The following DTX4 variants were observed in gnomAD, a reference collection of about 807,000 sequenced individuals.
DTX4 encodes the protein E3 ubiquitin-protein ligase DTX4.
In DTX4, 28 loss-of-function variants were observed where a neutral mutation model predicts 57.6. The ratio of observed to expected loss-of-function variants is 0.49; its 90% CI spans 0.36 to 0.67. DTX4 has a LOEUF of 0.67. DTX4 is among the 30% of genes least tolerant of loss of function. The pLI is 0.00. For missense variants in DTX4, 715 were observed against 836.8 expected (o/e 0.85, Z 1.80); for synonymous variants, 316 against 331.0 (o/e 0.95, Z 0.49).
Position 59,206,508 on chromosome 11 carries a change from C to CATATATAT in DTX4, c.*1599_*1600insATATATAT, listed in dbSNP as rs1412393714. 59 of 75,708 alleles carry CATATATAT rather than the reference C, an allele frequency of 7.8e-4. No homozygotes were observed. The highest frequency in any genetic ancestry group is 1.3e-3 in the Non-Finnish European group (44 of 34,722). 4.7% of individuals were successfully genotyped at this position (75,708 alleles called of 1,614,324 possible). A position where few individuals can be genotyped will look rare whatever the true frequency, so the allele number is the denominator to read the frequency against. ...TATACCTCATGTTTTGGGGGTTTGA[C>CATATATAT]GTATATATATATATATATATATGCA... On this transcript the variant is annotated 3_prime_UTR_variant, in exon 9 of 9. Coordinates refer to ENST00000227451, the MANE Select transcript of DTX4 (RefSeq NM_015177.2).
chr11:59,196,437 TAA>T (rs1862671230), intron 7 of DTX4, among the ~76,000 whole-genome samples: 1 of 152,248 alleles, frequency 6.6e-6, no homozygotes, highest in South Asian at 2.1e-4. Context: ...CAGGGGAAGA[TAA>T]ATGTACATCA....
rs184055264 is a variant in DTX4 at position 59,196,598 on chromosome 11, G to A, written c.1536+1229G>A. Among the ~76,000 whole-genome samples, 173 of 152,324 alleles carry A rather than the reference G, an allele frequency of 1.1e-3. 2 individuals are homozygous for A. The highest frequency in any genetic ancestry group is 7.2e-4 in the African/African-American group (30 of 41,584). On this transcript the variant is annotated intron_variant, in intron 7 of 8. Transcript: ENST00000227451. ...CAACCCTCAGGCCACAGAAGGGGCC[G>A]CACAGTAGGAGGTGAGTGATGGGTG...
chr11:59,173,000 G>A (rs191865709), intron 1 of DTX4, among the ~76,000 whole-genome samples, 194 bp downstream of exon 1: 1 of 152,224 alleles, frequency 6.6e-6, no homozygotes, highest in East Asian at 1.9e-4. Flanking sequence ...AAACATCCAT[G>A]CAAATAGTAT....
chr11:59,203,491 A>C (rs1263105329), intron 8 of DTX4, among the ~76,000 whole-genome samples: 2 of 152,098 alleles, frequency 1.3e-5, no homozygotes, highest in Non-Finnish European at 2.9e-5. Flanking sequence ...TGTCTTCCAC[A>C]TCCATATCTT....
rs146351274 is a variant in DTX4, at chr11:59,188,830, T to C, written c.997+34T>C. The C allele has an allele frequency of 2.4e-4, 376 of 1,577,740 alleles. 2 individuals are homozygous for C. In the East Asian group the frequency reaches 8.2e-3, roughly 34 times the overall value. On this transcript the variant is annotated intron_variant, in intron 3 of 8. Coordinates refer to ENST00000227451, the MANE Select transcript of DTX4 (RefSeq NM_015177.2). ...AACCCCAGGATGCTCTGGGTTAAGG[T>C]AGAGAAATCAGAGTGATGAAATAGG...
At position 59,204,241 on chromosome 11, in the gene DTX4, A is replaced by G. The variant is rs143469142; in HGVS notation, c.1627-435A>G. ...AGTGGTGGCAGTAATGAAGGGCAGA[A>G]CTTCAGAAGTTCTCAGATCATAAGC... On this transcript the variant is annotated intron_variant, in intron 8 of 8. Coordinates refer to ENST00000227451, the MANE Select transcript of DTX4 (RefSeq NM_015177.2). Among the ~76,000 whole-genome samples, 236 of 152,306 alleles carry G rather than the reference A, an allele frequency of 1.5e-3. 1 individual carries two copies. The highest frequency in any genetic ancestry group is 5.4e-3 in the African/African-American group (225 of 41,580).
chr11:59,200,416 G>C (rs1265815381), intron 8 of DTX4, among the ~76,000 whole-genome samples: 3 of 152,140 alleles, frequency 2.0e-5, no homozygotes, highest in Non-Finnish European at 2.9e-5. Flanking sequence ...CCTGTGTCTA[G>C]AGCCCTGCTG....
intron 1 of DTX4, among the ~76,000 whole-genome samples, chr11:59,180,520 T>C (rs1035610769): frequency 1.3e-5 from 2 of 152,134 alleles, no homozygotes; most frequent in Non-Finnish European, 2.9e-5. Flanking sequence ...TCCCTCTGGG[T>C]TGGAGGAGGG....
At chr11:59,186,492 G>A (rs1008581619) in intron 2 of DTX4, among the ~76,000 whole-genome samples, 3 of 152,280 alleles carry the variant, frequency 2.0e-5, no homozygotes, top group Admixed American at 1.3e-4. Flanking sequence ...GACACAGGAA[G>A]CCGGGTCTTT....
chr11:59,205,040 A>C lies in DTX4; in HGVS notation c.*131A>C, dbSNP rs1862788164. On this transcript the variant is annotated 3_prime_UTR_variant, in exon 9 of 9. Transcript: ENST00000227451. ...TATCCTCCCCTCCTGCCCTGTGTCC[A>C]TCCCTCATCCCTCCCAACCACAGTG... 1.4e-6 allele frequency: 1 copy of C among 721,358 alleles called. No individual in the cohort carries two copies. The highest frequency in any genetic ancestry group is 2.7e-5 in the East Asian group (1 of 36,844). The allele number at this position is 721,358 out of a possible 1,614,324, so 44.7% of individuals were successfully genotyped here.
intron 7 of DTX4, among the ~76,000 whole-genome samples, chr11:59,197,490 G>A (rs1329852655): frequency 1.3e-5 from 2 of 152,174 alleles, no homozygotes; most frequent in Non-Finnish European, 2.9e-5. Flanking sequence ...CCAGATCATA[G>A]AAGGCATTGA....
rs140997264 is a variant in DTX4, at chr11:59,192,294, C to T, written c.1374+44C>T. 1.3e-4 allele frequency: 209 copies of T among 1,610,158 alleles called. 3 individuals carry two copies. In the East Asian group the frequency reaches 4.6e-3, roughly 36 times the overall value. The stretch of plus-strand genomic sequence containing the variant: ...GGCTCCTGCCACCCTTCACACTGGG[C>T]TCTGGAGTAGCAAGATGGTGAAGGC... On this transcript the variant is annotated intron_variant, in intron 6 of 8. Transcript: ENST00000227451.
At chr11:59,200,256 T>G (rs1181834541) in intron 8 of DTX4, among the ~76,000 whole-genome samples, 1 of 152,214 alleles carries the variant, frequency 6.6e-6, no homozygotes, top group Non-Finnish European at 1.5e-5. Context: ...GCCCCCATGA[T>G]TCAGTTATCT....
chr11:59,172,565 G>C lies in DTX4; in HGVS notation c.-31G>C. On this transcript the variant is annotated 5_prime_UTR_variant, in exon 1 of 9. Transcript: ENST00000227451. ...TCGGGCGCTCGGGGCCCGGGAGGCG[G>C]GCCGCGCAGCGCCGCAGCCCCGGGC... is the stretch of plus-strand genomic sequence containing the variant. 3.0e-6 allele frequency: 4 copies of C among 1,320,808 alleles called. No individual in the cohort carries two copies. The highest frequency in any genetic ancestry group is 3.9e-6 in the Non-Finnish European group (4 of 1,034,728). 81.8% of individuals were successfully genotyped at this position (1,320,808 alleles called of 1,614,324 possible).
intron 2 of DTX4, among the ~76,000 whole-genome samples, chr11:59,185,793 G>A (rs1010658261): frequency 1.1e-4 from 17 of 152,102 alleles, no homozygotes; most frequent in South Asian, 2.1e-4. Context: ...TTTATACTTG[G>A]GAGGTAAAAG....
chr11:59,191,792 G>C (rs186029296), intron 5 of DTX4, among the ~76,000 whole-genome samples: 1 of 152,302 alleles, frequency 6.6e-6, no homozygotes, highest in East Asian at 1.9e-4. Flanking sequence ...CAGTGGGCTT[G>C]TTGACAGTAT....
intron 1 of DTX4, among the ~76,000 whole-genome samples, chr11:59,174,484 A>AGGGGATTCCAG (rs1491365599): frequency 5.3e-5 from 6 of 113,786 alleles, no homozygotes; most frequent in African/African-American, 1.7e-4. Context: ...AGCATCTGAC[A>AGGGGATTCCAG]GGGGATTCCA....
rs901982364 is a variant in DTX4 at position 59,207,927 on chromosome 11, G to C, written c.*3018G>C. ...GTACTCGTCTTGGTATTGCACTGTT[G>C]TGTGCATGAGAAAACTGGGGGAAGG... is the stretch of plus-strand genomic sequence containing the variant. On this transcript the variant is annotated 3_prime_UTR_variant, in exon 9 of 9. Transcript: ENST00000227451. 1.3e-5 allele frequency: 2 copies of C among 152,412 alleles called. No individual in the cohort carries two copies. The highest frequency in any genetic ancestry group is 2.4e-5 in the African/African-American group (1 of 41,370). 9.4% of individuals were successfully genotyped at this position (152,412 alleles called of 1,614,324 possible).
In DTX4 at chr11:59,191,250, T is replaced by C. The variant is rs1197160826; in HGVS notation, c.1221+75T>C. On this transcript the variant is annotated intron_variant, in intron 5 of 8. Coordinates refer to ENST00000227451, the MANE Select transcript of DTX4 (RefSeq NM_015177.2). ...CATTTCCTCTTCTGCTGTTGGTTTC[T>C]ACAGGATATGGCGGGGGCTGCATTC... 9 of 1,442,160 alleles carry C rather than the reference T, an allele frequency of 6.2e-6. No individual in the cohort carries two copies. The East Asian group carries it at 1.7e-4, about 28-fold the overall frequency. The allele number at this position is 1,442,160 out of a possible 1,614,324, so 89.3% of individuals were successfully genotyped here. A position where few individuals can be genotyped will look rare whatever the true frequency, so the allele number is the denominator to read the frequency against.
Sources: gnomAD v4.1 joint callset for allele counts (sites outside exome capture counted in the v4.1 genomes callset) on GRCh38, gnomAD v4.1.1 for gene constraint, MANE v1.5 for transcripts, NCBI Gene and HGNC (gene_info 2026-07-23, HGNC 2026-07-21) for gene names.